The following LEPR variants were observed in gnomAD, a reference collection of about 807,000 sequenced individuals.
LEPR encodes the protein leptin receptor.
LEPR carries 56 observed loss-of-function variants against 114.7 expected under a neutral mutation model. The observed-to-expected ratio is 0.49, with a 90% CI of 0.39 to 0.61. The LOEUF is 0.61. Ranked by LOEUF, LEPR falls within the 20% of genes least tolerant of loss-of-function variation. The pLI is 0.00. For missense variants in LEPR, 1,202 were observed against 1,352.9 expected (o/e 0.89, Z 1.75); for synonymous variants, 443 against 461.4 (o/e 0.96, Z 0.51).
intron 1 of LEPR, 85 bp downstream of exon 1, chr1:65,420,825 G>A (rs1353104068): frequency 1.0e-5 from 15 of 1,499,022 alleles, no homozygotes; most frequent in Non-Finnish European, 1.3e-5. Context: ...CCTTCCGCGC[G>A]CCGTTGGGGA....
At chr1:65,481,560 A>T (rs547172665) in intron 2 of LEPR, among the ~76,000 whole-genome samples, 1 of 152,116 alleles carries the variant, frequency 6.6e-6, no homozygotes, top group Non-Finnish European at 1.5e-5. Flanking sequence ...AAAAGATAAG[A>T]AAAAGTTGCC....
chr1:65,614,915 G>A (rs1464965823), intron 14 of LEPR, among the ~76,000 whole-genome samples: 3 of 152,052 alleles, frequency 2.0e-5, no homozygotes, highest in African/African-American at 7.2e-5. Flanking sequence ...TAGGGTTGGG[G>A]CAGAAAATAT....
At chr1:65,432,024 T>A in intron 2 of LEPR, 2 of 1,464,740 alleles carry the variant, frequency 1.4e-6, no homozygotes, top group South Asian at 1.5e-5. Flanking sequence ...CTGGGTTTTT[T>A]AATACCTTTA....
intron 2 of LEPR, among the ~76,000 whole-genome samples, chr1:65,546,601 T>C (rs139312264): frequency 3.3e-5 from 5 of 152,210 alleles, no homozygotes; most frequent in Non-Finnish European, 2.9e-5. Flanking sequence ...ATGATTTGGC[T>C]CTCTGTTTGT....
rs145017153 is a variant in LEPR, at chr1:65,550,907, C to T, written c.-20-14639C>T. Reference sequence around the variant, plus strand: ...AAATGCAGAAATCACCCGTCTTCTGCGTGGCTCACACTGGGAGCTGTAGAC... The same window carrying T: ...AAATGCAGAAATCACCCGTCTTCTGTGTGGCTCACACTGGGAGCTGTAGAC... On this transcript the variant is annotated intron_variant, in intron 2 of 19. Transcript: ENST00000349533. 3.8e-4 allele frequency among the ~76,000 whole-genome samples: 58 copies of T among 152,110 alleles called. 1 individual carries two copies. The highest frequency in any genetic ancestry group is 1.3e-3 in the African/African-American group (54 of 41,520).
In LEPR at chr1:65,570,707, GGA is replaced by G; in HGVS notation, c.277_278del (p.Ser93Ter). On this transcript the variant is annotated frameshift_variant, in exon 4 of 20. Transcript: ENST00000349533. LOFTEE classifies it high-confidence loss of function. ...AAAACAACTTTCCACTGTTGCTTTCGGAGTGAGCAAGATAGAAACTGCTCCTT... is the reference window on the plus strand; with the variant it reads ...AAAACAACTTTCCACTGTTGCTTTCGGTGAGCAAGATAGAAACTGCTCCTT... 1 of 1,613,350 alleles carries G rather than the reference GGA, an allele frequency of 6.2e-7. No homozygotes were observed. The highest frequency in any genetic ancestry group is 8.5e-7 in the Non-Finnish European group (1 of 1,179,526).
At chr1:65,590,813 A>G (rs1410816892) in intron 5 of LEPR, among the ~76,000 whole-genome samples, 1 of 150,282 alleles carries the variant, frequency 6.7e-6, no homozygotes, top group East Asian at 1.9e-4. Flanking sequence ...ATTTTTCTGT[A>G]TTCTATTTCA....
chr1:65,433,285 C>T, intron 2 of LEPR: 4 of 985,374 alleles, frequency 4.1e-6, no homozygotes, highest in Non-Finnish European at 3.6e-6. Flanking sequence ...CTTAATTTCA[C>T]TACGTGTTGA....
At chr1:65,549,185 G>C (rs1304847873) in intron 2 of LEPR, among the ~76,000 whole-genome samples, 1 of 151,512 alleles carries the variant, frequency 6.6e-6, no homozygotes, top group Non-Finnish European at 1.5e-5. Flanking sequence ...TCCGCTGTTA[G>C]TCTGATGGGC....
intron 2 of LEPR, among the ~76,000 whole-genome samples, chr1:65,552,654 C>T (rs936544177): frequency 3.3e-5 from 5 of 152,120 alleles, no homozygotes; most frequent in East Asian, 1.9e-4. Context: ...ACTGATGGGT[C>T]GTGACTGTTT....
intron 2 of LEPR, among the ~76,000 whole-genome samples, chr1:65,487,270 A>G (rs1224859050): frequency 6.6e-6 from 1 of 152,062 alleles, no homozygotes; most frequent in Non-Finnish European, 1.5e-5. Context: ...TTTTCTTTCC[A>G]TTTACTTATT....
In LEPR at chr1:65,429,625, G is replaced by T. The variant is rs558292338; in HGVS notation, c.-21+4247G>T. ...GGTACAGAAAACAGTAAAGTTTCTAGGGTATATATTATATAGTGGCTTCTT... is the reference window on the plus strand; with the variant it reads ...GGTACAGAAAACAGTAAAGTTTCTATGGTATATATTATATAGTGGCTTCTT... On this transcript the variant is annotated intron_variant, in intron 2 of 19. Coordinates refer to ENST00000349533, the MANE Select transcript of LEPR (RefSeq NM_002303.6). Among the ~76,000 whole-genome samples the T allele has an allele frequency of 2.0e-5, 3 of 152,204 alleles. No homozygotes were observed. In the South Asian group the frequency reaches 6.2e-4, roughly 32 times the overall value.
At chr1:65,444,796 CT>C (rs1646693291) in intron 2 of LEPR, among the ~76,000 whole-genome samples, 1 of 152,134 alleles carries the variant, frequency 6.6e-6, no homozygotes, top group South Asian at 2.1e-4. Flanking sequence ...CATCCTCTTG[CT>C]TTATTGTTGT....
In LEPR at chr1:65,605,228, G is replaced by C. The variant is rs1656733398; in HGVS notation, c.1594G>C (p.Asp532His). 2.5e-6 allele frequency: 4 copies of C among 1,613,882 alleles called. No homozygotes were observed. Among genetic ancestry groups the C allele is most frequent in the Admixed American group, 1.7e-5 (1 of 59,996 alleles). The change falls in exon 11 of 20, where the codon GAT becomes CAT. Residue 532 changes from aspartate (D) to histidine (H), a missense_variant. Transcript: ENST00000349533. Reference sequence around the variant, plus strand: ...CTCTCCACCAACATGTGTCCTTCCTGATTCTGTGGGTATGTCAAGCTGCGT... The same window carrying C: ...CTCTCCACCAACATGTGTCCTTCCTCATTCTGTGGGTATGTCAAGCTGCGT... ...LDSPPTCVLP[D>H]SVVKPLPPSS...
At chr1:65,468,583 A>C (rs1647044610) in intron 2 of LEPR, among the ~76,000 whole-genome samples, 1 of 152,230 alleles carries the variant, frequency 6.6e-6, no homozygotes, top group Non-Finnish European at 1.5e-5. Flanking sequence ...CTGTATTCCT[A>C]TCTGGTGTGG....
At chr1:65,457,071 A>G (rs1039708186) in intron 2 of LEPR, among the ~76,000 whole-genome samples, 4 of 152,172 alleles carry the variant, frequency 2.6e-5, no homozygotes, top group African/African-American at 9.7e-5. Flanking sequence ...ATACTGCTTC[A>G]TGGGTAGTGT....
rs531684351 is a variant in LEPR, at chr1:65,570,640, C to A, written c.208C>A (p.Pro70Thr). ...SNGHYETAVE[P>T]KFNSSGTHFS... ...TGGACATTATGAGACAGCTGTTGAACCTAAGTTTAATTCAAGTGGTACTCA... is the reference window on the plus strand; with the variant it reads ...TGGACATTATGAGACAGCTGTTGAAACTAAGTTTAATTCAAGTGGTACTCA... Residue 70 changes from proline (P) to threonine (T), a missense_variant, in exon 4 of 20, where the codon CCT (proline) becomes ACT (threonine). Pro to Thr is a conservative substitution (Grantham distance 38). Coordinates refer to ENST00000349533, the MANE Select transcript of LEPR (RefSeq NM_002303.6). The A allele has an allele frequency of 6.2e-7, 1 of 1,613,958 alleles. No homozygotes were observed. Among genetic ancestry groups the A allele is most frequent in the African/African-American group, 1.3e-5 (1 of 75,030 alleles).
At chr1:65,579,148 G>T (rs545763337) in intron 5 of LEPR, among the ~76,000 whole-genome samples, 1 of 152,308 alleles carries the variant, frequency 6.6e-6, no homozygotes, top group Admixed American at 6.5e-5. Context: ...TATGATGGTA[G>T]ATTCTTCAGT....
intron 2 of LEPR, among the ~76,000 whole-genome samples, chr1:65,509,277 GA>G (rs1251117239): frequency 6.6e-6 from 1 of 152,134 alleles, no homozygotes; most frequent in Non-Finnish European, 1.5e-5. Flanking sequence ...TGATCTTAGA[GA>G]AAAATCTTCA....
Sources: gnomAD v4.1 joint callset for allele counts (sites outside exome capture counted in the v4.1 genomes callset) on GRCh38, gnomAD v4.1.1 for gene constraint, MANE v1.5 for transcripts, NCBI Gene and HGNC (gene_info 2026-07-23, HGNC 2026-07-21) for gene names.